The following PSMC3 variants were observed in gnomAD, a reference collection of about 807,000 sequenced individuals.
PSMC3 encodes the protein 26S proteasome regulatory subunit 6A.
Under a neutral mutation model 52.0 loss-of-function variants are expected in PSMC3, and 11 were observed. That is an observed-to-expected ratio of 0.21 (90% CI 0.13 to 0.35). The LOEUF (loss-of-function observed/expected upper bound fraction) is 0.35, where lower values mean the gene tolerates loss of function less well. PSMC3 is among the 10% of genes least tolerant of loss of function. The probability of loss-of-function intolerance (pLI) is 1.00; values close to 1 mark genes in which losing one functional copy is unlikely to be tolerated. For synonymous variants in PSMC3, 201 were observed against 218.8 expected (o/e 0.92, Z 0.72); for missense variants, 238 against 567.1 (o/e 0.42, Z 5.89).
intron 10 of PSMC3, among the ~76,000 whole-genome samples, chr11:47,419,412 C>G (rs560826385): frequency 4.3e-4 from 65 of 152,300 alleles, no homozygotes; most frequent in African/African-American, 1.5e-3. Flanking sequence ...TTTCTAGGGT[C>G]TCTTGAGCTC....
rs972207404 is a variant in PSMC3 at position 47,426,398 on chromosome 11, T to C, written c.-119A>G. The C allele has an allele frequency of 2.7e-5, 25 of 932,724 alleles. No homozygotes were observed. Among genetic ancestry groups the C allele is most frequent in the Non-Finnish European group, 3.9e-5 (25 of 638,098 alleles). 57.8% of individuals were successfully genotyped at this position (932,724 alleles called of 1,614,324 possible). A position where few individuals can be genotyped will look rare whatever the true frequency, so the allele number is the denominator to read the frequency against. On this transcript the variant is annotated 5_prime_UTR_variant, in exon 1 of 12. Transcript: ENST00000298852. ...AACCTCTCCCCACAAATCCCGACTC[T>C]TGACCCGACCAGCTCCGGCCGTGCT...
In PSMC3 at chr11:47,419,311, G is replaced by A; in HGVS notation, c.1128-114C>T. 4 of 1,090,548 alleles carry A rather than the reference G, an allele frequency of 3.7e-6. No individual in the cohort carries two copies. The South Asian group carries it at 5.2e-5, about 14-fold the overall frequency. The allele number at this position is 1,090,548 out of a possible 1,614,324, so 67.6% of individuals were successfully genotyped here. On this transcript the variant is annotated intron_variant, in intron 10 of 11. Transcript: ENST00000298852. ...AAAGTCAAGTTGCCCTGTGATCAGA[G>A]GCAAGTCCCTTACTCAATGCGCCTT...
At position 47,424,438 on chromosome 11, in the gene PSMC3, T is replaced by G. The variant is rs759608633; in HGVS notation, c.444A>C (p.Gly148=). The G allele has an allele frequency of 1.9e-6, 3 of 1,614,198 alleles. No homozygotes were observed. The highest frequency in any genetic ancestry group is 2.5e-6 in the Non-Finnish European group (3 of 1,180,014). ...GLVDAEKLKP[G]DLVGVNKDSY... ...CTCAGGCCCCACTCACCACCAGGTC[T>G]CCTGGCTTTAGCTTTTCAGCATCCA... Residue 148 remains glycine (G), a synonymous_variant, in exon 5 of 12, where the codon GGA becomes GGC. Coordinates refer to ENST00000298852, the MANE Select transcript of PSMC3 (RefSeq NM_002804.5). The surrounding 1 kb of genome is among the most constrained non-coding windows in gnomAD (Gnocchi z 4.8).
Position 47,426,375 on chromosome 11 carries a change from C to A in PSMC3, c.-96G>T. ...AAGCCTTCTCTTGACCAGTGGAAAA[C>A]CTCTCCCCACAAATCCCGACTCTTG... On this transcript the variant is annotated 5_prime_UTR_variant, in exon 1 of 12. Transcript: ENST00000298852. The A allele has an allele frequency of 2.6e-6, 3 of 1,145,814 alleles. No homozygotes were observed. The highest frequency in any genetic ancestry group is 2.7e-4 in the Middle Eastern group (1 of 3,676). 71.0% of individuals were successfully genotyped at this position (1,145,814 alleles called of 1,614,324 possible).
In PSMC3 at chr11:47,424,360, G is replaced by C. The variant is rs2096044046; in HGVS notation, c.453+69C>G. 1 of 1,576,076 alleles carries C rather than the reference G, an allele frequency of 6.3e-7. No homozygotes were observed. The highest frequency in any genetic ancestry group is 8.7e-7 in the Non-Finnish European group (1 of 1,146,410). ...TCTGCCAAGATTCAGAGCCAACAGT[G>C]ACCTGGGGCGGGTACAGGGGCTCAG... On this transcript the variant is annotated intron_variant, in intron 5 of 11. Transcript: ENST00000298852. The surrounding 1 kb of genome is among the most constrained non-coding windows in gnomAD (Gnocchi z 4.8).
Position 47,418,999 on chromosome 11 carries a change from C to G in PSMC3, c.1210-54G>C. Reference sequence around the variant, plus strand: ...CTGAACGCCTGAATGCCTTCCCTGGCTCCCTGAGGCTCAGGCCTCTTCCCT... The same window carrying G: ...CTGAACGCCTGAATGCCTTCCCTGGGTCCCTGAGGCTCAGGCCTCTTCCCT... On this transcript the variant is annotated intron_variant, in intron 11 of 11. Coordinates refer to ENST00000298852, the MANE Select transcript of PSMC3 (RefSeq NM_002804.5). The G allele has an allele frequency of 4.4e-6, 7 of 1,606,902 alleles. No homozygotes were observed. The South Asian group carries it at 7.7e-5, about 18-fold the overall frequency.
intron 2 of PSMC3, 154 bp downstream of exon 2, chr11:47,425,713 G>T (rs960873195): frequency 1.6e-4 from 103 of 644,300 alleles, no homozygotes; most frequent in Non-Finnish European, 1.9e-5. Context: ...CCCTTTTAAG[G>T]CTTAGTTTTC....
intron 2 of PSMC3, 21 bp from the exon 3 acceptor site, chr11:47,425,267 G>A (rs757029914): frequency 1.7e-5 from 28 of 1,613,630 alleles, no homozygotes; most frequent in East Asian, 2.2e-5. Context: ...GAGGGGAGGA[G>A]AAGCAAATAT....
At chr11:47,421,309 G>A (rs2096040211) in intron 8 of PSMC3, among the ~76,000 whole-genome samples, 1 of 147,398 alleles carries the variant, frequency 6.8e-6, no homozygotes, top group African/African-American at 2.5e-5. Context: ...TGTTAACTGT[G>A]ATGAATGTAC....
At chr11:47,423,325 C>T (rs537189785) in intron 6 of PSMC3, among the ~76,000 whole-genome samples, 3 of 151,440 alleles carry the variant, frequency 2.0e-5, no homozygotes, top group East Asian at 1.9e-4. Flanking sequence ...GGCATGAACC[C>T]GGGACGCGGA....
In PSMC3 at chr11:47,424,472, A is replaced by G. The variant is rs962451746; in HGVS notation, c.410T>C (p.Ile137Thr). 1.9e-6 allele frequency: 3 copies of G among 1,613,998 alleles called. No individual in the cohort carries two copies. Among genetic ancestry groups the G allele is most frequent in the Non-Finnish European group, 2.5e-6 (3 of 1,179,980 alleles). ...STRQTYFLPVIGLVDAEKLKP... is the reference protein window; with the variant it reads ...STRQTYFLPVTGLVDAEKLKP... ...TAGCTTTTCAGCATCCACCAACCCA[A>G]TCACAGGAAGGAAGTACGTCTGTGG... Residue 137 changes from isoleucine (I) to threonine (T), a missense_variant, in exon 5 of 12, where the codon ATT (isoleucine) becomes ACT (threonine). Physicochemically the swap from Ile to Thr is moderately conservative, Grantham distance 89. Coordinates refer to ENST00000298852, the MANE Select transcript of PSMC3 (RefSeq NM_002804.5). This position sits in a 1 kb window ranked among gnomAD's most constrained non-coding sequence, Gnocchi z 4.8.
Position 47,425,883 on chromosome 11 carries a change from A to G in PSMC3, c.143T>C (p.Leu48Pro). 6.2e-7 allele frequency: 1 copy of G among 1,613,990 alleles called. No homozygotes were observed. The highest frequency in any genetic ancestry group is 8.5e-7 in the Non-Finnish European group (1 of 1,179,848). Residue 48 changes from leucine (L) to proline (P), a missense_variant, in exon 2 of 12, where the codon CTG (leucine) becomes CCG (proline). Transcript: ENST00000298852. ...TEEIIQRTRL[L>P]DSEIKIMKSE... ...TGCGCCCACCTTGATCTCACTGTCC[A>G]GCAGCCGTGTGCGCTGGATGATCTC...
At chr11:47,420,174 A>G in intron 10 of PSMC3, 90 bp downstream of exon 10, 2 of 1,490,748 alleles carry the variant, frequency 1.3e-6, no homozygotes, top group South Asian at 1.2e-5. Flanking sequence ...GTGGTCGTGG[A>G]GGCTGGGGAA....
At chr11:47,420,430 C>T (rs570532716) in intron 9 of PSMC3, 21 bp from the exon 10 acceptor site, 19 of 1,604,454 alleles carry the variant, frequency 1.2e-5, no homozygotes, top group South Asian at 2.2e-5. Flanking sequence ...GAAGCCACAA[C>T]TTGAAAGGAG....
chr11:47,419,231 CT>C (rs1226755481), intron 10 of PSMC3, 34 bp from the exon 11 acceptor site: 2 of 1,610,642 alleles, frequency 1.2e-6, no homozygotes, highest in Non-Finnish European at 1.7e-6. Context: ...GGCTCAGTGG[CT>C]TATGCGGAAT....
intron 2 of PSMC3, 115 bp downstream of exon 2, chr11:47,425,752 G>T: frequency 1.2e-6 from 1 of 848,462 alleles, no homozygotes. Flanking sequence ...TGAGGGGGAA[G>T]CCCGAGCCCC....
chr11:47,418,810 T>G lies in PSMC3; in HGVS notation c.*25A>C. On this transcript the variant is annotated 3_prime_UTR_variant, in exon 12 of 12. Transcript: ENST00000298852. ...CATCTTTTATTGCGCACTTCAGCCG[T>G]GAGACTGGGGCTGGCCTGTGTGCCC... The G allele has an allele frequency of 1.9e-6, 3 of 1,596,272 alleles. No homozygotes were observed. Among genetic ancestry groups the G allele is most frequent in the Non-Finnish European group, 2.6e-6 (3 of 1,164,062 alleles).
Position 47,422,467 on chromosome 11 carries a change from A to G in PSMC3, c.884+107T>C. 1 of 1,355,818 alleles carries G rather than the reference A, an allele frequency of 7.4e-7. No homozygotes were observed. The allele number at this position is 1,355,818 out of a possible 1,614,324, so 84.0% of individuals were successfully genotyped here. On this transcript the variant is annotated intron_variant, in intron 8 of 11. Transcript: ENST00000298852. The surrounding 1 kb of genome is among the most constrained non-coding windows in gnomAD (Gnocchi z 4.3). The stretch of plus-strand genomic sequence containing the variant: ...AGTTGAGGAGCCACCATCCAGGGGC[A>G]GGAGGGGATACAGGGTGGGAAGGAA...
At position 47,426,408 on chromosome 11, in the gene PSMC3, C is replaced by G. The variant is rs1464452600; in HGVS notation, c.-129G>C. ...CACAAATCCCGACTCTTGACCCGAC[C>G]AGCTCCGGCCGTGCTGCGGAGCAGC... On this transcript the variant is annotated 5_prime_UTR_variant, in exon 1 of 12. Transcript: ENST00000298852. The G allele has an allele frequency of 1.3e-6, 1 of 772,392 alleles. No individual in the cohort carries two copies. Among genetic ancestry groups the G allele is most frequent in the East Asian group, 3.1e-5 (1 of 32,544 alleles). 47.8% of individuals were successfully genotyped at this position (772,392 alleles called of 1,614,324 possible). A position where few individuals can be genotyped will look rare whatever the true frequency, so the allele number is the denominator to read the frequency against.
Sources: gnomAD v4.1 joint callset for allele counts (sites outside exome capture counted in the v4.1 genomes callset) on GRCh38, gnomAD v4.1.1 for gene constraint, Gnocchi (gnomAD v3.1) non-coding constraint, MANE v1.5 for transcripts, NCBI Gene and HGNC (gene_info 2026-07-23, HGNC 2026-07-21) for gene names.